RMND5A: variants seen among roughly 807,000 people sequenced by gnomAD.
RMND5A encodes E3 ubiquitin-protein transferase RMND5A.
RMND5A carries 17 observed loss-of-function variants against 49.7 expected under a neutral mutation model. That is an observed-to-expected ratio of 0.34 (90% CI 0.23 to 0.51). RMND5A has a LOEUF of 0.51. Among genes scored for constraint, RMND5A ranks in the 20% least tolerant of loss-of-function variants. The pLI, the probability that RMND5A is intolerant of heterozygous loss-of-function variation, is 0.96. For synonymous variants in RMND5A, 156 were observed against 167.7 expected, an observed-to-expected ratio of 0.93 and a Z score of 0.54; for missense variants, 255 against 471.3, an observed-to-expected ratio of 0.54 and a Z score of 4.25.
chr2:86,771,840 CATTTGGCAAAGTTGGTGGTATCTG>C, intron 8 of RMND5A, 128 bp downstream of exon 8: 2 of 755,824 alleles, frequency 2.6e-6, no homozygotes, highest in Non-Finnish European at 4.1e-6. Context: ...CTTAACTATT[CATTTGGCAAAGTTGGTGGTATCTG>C]ATTTGAGTAT....
Position 86,750,048 on chromosome 2 carries a change from A to C in RMND5A, c.286-1848A>C, listed in dbSNP as rs528121366. Among the ~76,000 whole-genome samples the C allele has an allele frequency of 1.8e-4, 27 of 152,368 alleles. No homozygotes were observed. In the South Asian group the frequency reaches 5.4e-3, roughly 30 times the overall value. ...CTGTATATTTAAGCAGTGGTTGACTAGGATTGCAATTTTAGTTAAATCTAA... is the reference window on the plus strand; with the variant it reads ...CTGTATATTTAAGCAGTGGTTGACTCGGATTGCAATTTTAGTTAAATCTAA... On this transcript the variant is annotated intron_variant, in intron 2 of 8. Transcript: ENST00000283632.
At chr2:86,756,687 G>C (rs2104400753) in intron 4 of RMND5A, among the ~76,000 whole-genome samples, 1 of 152,342 alleles carries the variant, frequency 6.6e-6, no homozygotes. Flanking sequence ...AGCAAAAGTT[G>C]AATGATATGG....
Position 86,765,044 on chromosome 2 carries a change from G to T in RMND5A, c.539G>T (p.Arg180Leu). The change falls in exon 5 of 9, where the codon CGG becomes CTG. Residue 180 changes from arginine (R) to leucine (L), a missense_variant. By Grantham distance (102) the Arg-to-Leu change is moderately radical (BLOSUM62 -2). This residue lies in a region of RMND5A where 208 missense variants were observed against 339.8 expected (regional missense o/e 0.61). Coordinates refer to ENST00000283632, the MANE Select transcript of RMND5A (RefSeq NM_022780.4). ...RPALEWAVSN[R>L]EMLIAQNSSL... ...TTCTTTAGGTGGGCAGTGTCAAACC[G>T]GGAAATGCTTATAGCTCAAAACAGC... is the stretch of plus-strand genomic sequence containing the variant. 1 of 1,605,116 alleles carries T rather than the reference G, an allele frequency of 6.2e-7. No homozygotes were observed. The highest frequency in any genetic ancestry group is 8.5e-7 in the Non-Finnish European group (1 of 1,176,698).
At position 86,764,984 on chromosome 2, in the gene RMND5A, C is replaced by G. The variant is rs1024972246; in HGVS notation, c.522-43C>G. On this transcript the variant is annotated intron_variant, in intron 4 of 8. Transcript: ENST00000283632. ...TTCAAATAGTTTTTAAGACACCTTGCTTATGCTTTTGATTCTTAAAGTCTT... is the reference window on the plus strand; with the variant it reads ...TTCAAATAGTTTTTAAGACACCTTGGTTATGCTTTTGATTCTTAAAGTCTT... 3.2e-6 allele frequency: 5 copies of G among 1,558,776 alleles called. No individual in the cohort carries two copies. The South Asian group carries it at 6.1e-5, about 19-fold the overall frequency.
At chr2:86,762,879 A>G (rs1231116596) in intron 4 of RMND5A, among the ~76,000 whole-genome samples, 1 of 151,568 alleles carries the variant, frequency 6.6e-6, no homozygotes, top group East Asian at 1.9e-4. Context: ...TGTCTCTTCA[A>G]AAAAATACAA....
chr2:86,764,006 A>G (rs1418946590), intron 4 of RMND5A, among the ~76,000 whole-genome samples: 1 of 152,262 alleles, frequency 6.6e-6, no homozygotes, highest in Admixed American at 6.5e-5. Context: ...GAATGTTTAC[A>G]TGCTTGTGCA....
At chr2:86,768,476 C>T (rs1245917861) in intron 6 of RMND5A, among the ~76,000 whole-genome samples, 1 of 152,164 alleles carries the variant, frequency 6.6e-6, no homozygotes, top group Non-Finnish European at 1.5e-5. Flanking sequence ...TGGGAATGTA[C>T]ATGCAGAAAG....
At chr2:86,759,263 C>G (rs1681801269) in intron 4 of RMND5A, among the ~76,000 whole-genome samples, 1 of 152,192 alleles carries the variant, frequency 6.6e-6, no homozygotes, top group Non-Finnish European at 1.5e-5. Context: ...ATGGAGGTAA[C>G]TGTGTGCCAA....
At position 86,774,816 on chromosome 2, in the gene RMND5A, A is replaced by C. The variant is rs980558808; in HGVS notation, c.*1405A>C. On this transcript the variant is annotated 3_prime_UTR_variant, in exon 9 of 9. Coordinates refer to ENST00000283632, the MANE Select transcript of RMND5A (RefSeq NM_022780.4). ...AATGTGGCACTTCACATTTTAAACT[A>C]CAGATGGACTTGGTTTGAGGGAGGG... The C allele has an allele frequency of 6.6e-6, 1 of 152,668 alleles. No individual in the cohort carries two copies. The allele number at this position is 152,668 out of a possible 1,614,324, so 9.5% of individuals were successfully genotyped here.
chr2:86,751,946 A>G lies in RMND5A; in HGVS notation c.336A>G (p.Ala112=). The change falls in exon 3 of 9, where the codon GCA becomes GCG. Residue 112 remains alanine, a synonymous_variant. Coordinates refer to ENST00000283632, the MANE Select transcript of RMND5A (RefSeq NM_022780.4). ...TGGGAATAGATGGCTGCTGGCAGGC[A>G]GACAGCCAAAGGCTTCTCAATGAGG... ...SSVGIDGCWQ[A]DSQRLLNEVM... The G allele has an allele frequency of 6.2e-7, 1 of 1,613,740 alleles. No homozygotes were observed. The highest frequency in any genetic ancestry group is 2.2e-5 in the East Asian group (1 of 44,878).
At chr2:86,770,267 C>A in intron 7 of RMND5A, 142 bp downstream of exon 7, 1 of 661,788 alleles carries the variant, frequency 1.5e-6, no homozygotes, top group Non-Finnish European at 2.7e-6. Context: ...AAAGATTAAA[C>A]AATACAAATG....
intron 2 of RMND5A, among the ~76,000 whole-genome samples, chr2:86,743,750 C>G (rs562287610): frequency 9.1e-4 from 138 of 152,182 alleles, no homozygotes; most frequent in African/African-American, 3.2e-3. Context: ...CTTTGGGAGG[C>G]CGAGGCAGGC....
chr2:86,771,633 G>T lies in RMND5A; in HGVS notation c.1033G>T (p.Asp345Tyr). The part of the protein sequence containing the change: ...ACPILRQQTT[D>Y]NNPPMKLVCG... ...CCCCATTCTTCGTCAGCAAACAACAGATAACAATCCACCCATGAAATTGGT... is the reference window on the plus strand; with the variant it reads ...CCCCATTCTTCGTCAGCAAACAACATATAACAATCCACCCATGAAATTGGT... Residue 345 changes from aspartate to tyrosine, a missense_variant, in exon 8 of 9, where the codon GAT (aspartate) becomes TAT (tyrosine). Physicochemically the swap from Asp to Tyr is radical, Grantham distance 160. Transcript: ENST00000283632. The T allele has an allele frequency of 6.2e-7, 1 of 1,613,132 alleles. No homozygotes were observed. The highest frequency in any genetic ancestry group is 8.5e-7 in the Non-Finnish European group (1 of 1,179,760).
chr2:86,771,250 C>A, intron 7 of RMND5A: 1 of 239,302 alleles, frequency 4.2e-6, no homozygotes. Context: ...GCACTAAGAG[C>A]AGACTGAAAT....
chr2:86,762,720 T>TATATATCATATATATATATCAC (rs1672524143), intron 4 of RMND5A, among the ~76,000 whole-genome samples: 2 of 44,250 alleles, frequency 4.5e-5, no homozygotes, highest in Non-Finnish European at 1.1e-4. Flanking sequence ...ATATATATCA[T>TATATATCATATATATATATCAC]ATATATCATA....
At chr2:86,746,032 G>A (rs559062047) in intron 2 of RMND5A, among the ~76,000 whole-genome samples, 2 of 152,180 alleles carry the variant, frequency 1.3e-5, no homozygotes, top group East Asian at 3.9e-4. Context: ...ACATTGGTGA[G>A]GCAAAATGCT....
In RMND5A at chr2:86,765,161, A is replaced by C; in HGVS notation, c.656A>C (p.Asn219Thr). 1 of 1,612,952 alleles carries C rather than the reference A, an allele frequency of 6.2e-7. No homozygotes were observed. The highest frequency in any genetic ancestry group is 1.1e-5 in the South Asian group (1 of 90,832). Reference protein sequence around the residue: ...NQREALQYAKNFQPFALNHQK... With the variant: ...NQREALQYAKTFQPFALNHQK... The stretch of plus-strand genomic sequence containing the variant: ...CGAGAGGCATTACAATATGCTAAAA[A>C]TTTTCAGCCATTTGCCCTAAATCAT... Residue 219 changes from asparagine (N) to threonine (T), a missense_variant, in exon 5 of 9, where the codon AAT (asparagine) becomes ACT (threonine). Transcript: ENST00000283632.
intron 6 of RMND5A, among the ~76,000 whole-genome samples, chr2:86,768,784 T>G (rs1396211522): frequency 2.6e-5 from 4 of 152,152 alleles, no homozygotes; most frequent in Non-Finnish European, 5.9e-5. Context: ...AAATGAGTGC[T>G]TCCACCCTGG....
chr2:86,745,774 G>T (rs1003506825), intron 2 of RMND5A, among the ~76,000 whole-genome samples: 1 of 152,164 alleles, frequency 6.6e-6, no homozygotes, highest in Non-Finnish European at 1.5e-5. Flanking sequence ...ATCCCATGAT[G>T]CAGGGACATT....
Sources: gnomAD v4.1 joint callset for allele counts (sites outside exome capture counted in the v4.1 genomes callset) on GRCh38, gnomAD v4.1.1 for gene constraint, gnomAD v4.1.1 regional missense constraint, MANE v1.5 for transcripts, NCBI Gene and HGNC (gene_info 2026-07-23, HGNC 2026-07-21) for gene names.